Variants in MAPK8 observed in about 807,000 individuals in gnomAD.
MAPK8 encodes mitogen-activated protein kinase 8.
In MAPK8, 13 loss-of-function variants were observed where a neutral mutation model predicts 52.9. The ratio of observed to expected loss-of-function variants is 0.25; its 90% CI spans 0.16 to 0.39. The LOEUF is 0.39. Ranked by LOEUF, MAPK8 falls within the 10% of genes least tolerant of loss-of-function variation. The pLI is 1.00. For missense variants in MAPK8, 300 were observed against 519.2 expected (o/e 0.58, Z 4.10); for synonymous variants, 191 against 169.8 (o/e 1.12, Z -0.97).
chr10:48,421,043 G>A (rs1589255223), intron 6 of MAPK8, among the ~76,000 whole-genome samples: 1 of 152,266 alleles, frequency 6.6e-6, no homozygotes, highest in African/African-American at 2.4e-5. Flanking sequence ...CTGCTAAGAA[G>A]CATGGGATTT....
intron 5 of MAPK8, among the ~76,000 whole-genome samples, chr10:48,412,319 G>C (rs1166736965): frequency 6.6e-6 from 1 of 152,194 alleles, no homozygotes; most frequent in Non-Finnish European, 1.5e-5. Context: ...ATGTGTCTTA[G>C]TGCAGATCTC....
intron 1 of MAPK8, among the ~76,000 whole-genome samples, chr10:48,361,120 G>A (rs892784813): frequency 2.6e-5 from 4 of 152,130 alleles, no homozygotes; most frequent in Admixed American, 2.6e-4. Flanking sequence ...TATGGAAACA[G>A]CATCAGACCA....
At chr10:48,389,552 ATCTTTC>A (rs1462186834) in intron 1 of MAPK8, among the ~76,000 whole-genome samples, 19 of 152,304 alleles carry the variant, frequency 1.2e-4, no homozygotes, top group East Asian at 5.8e-4. Context: ...AAGATTAATC[ATCTTTC>A]TCTTTCTCTT....
chr10:48,416,076 C>T (rs951756115), intron 5 of MAPK8, among the ~76,000 whole-genome samples: 9 of 152,180 alleles, frequency 5.9e-5, no homozygotes, highest in Non-Finnish European at 8.8e-5. Context: ...ACTCATCTCT[C>T]TGCTCTACTA....
At chr10:48,398,420 A>G (rs1297023219) in intron 1 of MAPK8, among the ~76,000 whole-genome samples, 1 of 152,244 alleles carries the variant, frequency 6.6e-6, no homozygotes, top group Non-Finnish European at 1.5e-5. Flanking sequence ...ATACCACTGT[A>G]CACCCACTAG....
rs1282173912 is a variant in MAPK8 at position 48,438,763 on chromosome 10, A to G, written c.*3734A>G. The G allele has an allele frequency of 6.6e-6, 1 of 152,216 alleles. No individual in the cohort carries two copies. The highest frequency in any genetic ancestry group is 1.5e-5 in the Non-Finnish European group (1 of 68,034). 9.4% of individuals were successfully genotyped at this position (152,216 alleles called of 1,614,324 possible). ...ATACCAGTAAGTATGTAAAGTATATACCTTACATCAGTAAGAGACACGTGT... is the reference window on the plus strand; with the variant it reads ...ATACCAGTAAGTATGTAAAGTATATGCCTTACATCAGTAAGAGACACGTGT... On this transcript the variant is annotated 3_prime_UTR_variant, in exon 12 of 12. Transcript: ENST00000374189.
chr10:48,377,297 A>G (rs1047438898), intron 1 of MAPK8, among the ~76,000 whole-genome samples: 8 of 152,074 alleles, frequency 5.3e-5, no homozygotes, highest in African/African-American at 1.9e-4. Context: ...ACCATGGCAC[A>G]TGTATACCTA....
At chr10:48,408,821 T>C (rs1423223297) in intron 3 of MAPK8, among the ~76,000 whole-genome samples, 1 of 152,184 alleles carries the variant, frequency 6.6e-6, no homozygotes, top group African/African-American at 2.4e-5. Flanking sequence ...AAGATCAAGT[T>C]GCTGGTCAAT....
intron 1 of MAPK8, among the ~76,000 whole-genome samples, chr10:48,315,703 AT>A (rs1277756378): frequency 1.4e-5 from 2 of 146,504 alleles, no homozygotes; most frequent in African/African-American, 5.0e-5. Flanking sequence ...TTAATATTTC[AT>A]ATATTAAATA....
intron 5 of MAPK8, among the ~76,000 whole-genome samples, chr10:48,416,701 T>C (rs560680979): frequency 2.6e-5 from 4 of 152,176 alleles, no homozygotes; most frequent in African/African-American, 9.6e-5. Flanking sequence ...AACTGAAAAA[T>C]GCAGTCATTG....
At chr10:48,384,527 G>A (rs2041196902) in intron 1 of MAPK8, among the ~76,000 whole-genome samples, 1 of 152,168 alleles carries the variant, frequency 6.6e-6, no homozygotes, top group South Asian at 2.1e-4. Context: ...AGCTGGGAAA[G>A]CCCATTAAGA....
At chr10:48,414,929 T>G (rs1254582337) in intron 5 of MAPK8, among the ~76,000 whole-genome samples, 1 of 152,092 alleles carries the variant, frequency 6.6e-6, no homozygotes, top group African/African-American at 2.4e-5. Flanking sequence ...ATCTTCCTTC[T>G]GAGTCATCTG....
rs146290533 is a variant in MAPK8 at position 48,348,646 on chromosome 10, C to G, written c.-50+41825C>G. 7.3e-3 allele frequency among the ~76,000 whole-genome samples: 1,115 copies of G among 152,292 alleles called. 15 individuals carry two copies. Among genetic ancestry groups the G allele is most frequent in the African/African-American group, 0.025 (1,054 of 41,550 alleles). ...CAACACCATTTGTTAAGTAGGGAAT[C>G]CTTTCCCCATTGCTTGCTTTTGTCA... is the stretch of plus-strand genomic sequence containing the variant. On this transcript the variant is annotated intron_variant, in intron 1 of 11. Transcript: ENST00000374189.
intron 1 of MAPK8, among the ~76,000 whole-genome samples, chr10:48,360,430 A>G (rs768229478): frequency 2.6e-5 from 4 of 152,192 alleles, no homozygotes; most frequent in Non-Finnish European, 4.4e-5. Context: ...CCAGCAGATT[A>G]ACTCGTAGAT....
chr10:48,360,581 A>G (rs541708255), intron 1 of MAPK8, among the ~76,000 whole-genome samples: 1 of 152,306 alleles, frequency 6.6e-6, no homozygotes, highest in Non-Finnish European at 1.5e-5. Context: ...AGTAGATTAG[A>G]TAAACTGTGG....
chr10:48,366,886 A>G (rs1434440579), intron 1 of MAPK8, among the ~76,000 whole-genome samples: 1 of 152,186 alleles, frequency 6.6e-6, no homozygotes, highest in Non-Finnish European at 1.5e-5. Flanking sequence ...TTTAAAAAAA[A>G]AAAATTGCTT....
intron 1 of MAPK8, among the ~76,000 whole-genome samples, chr10:48,366,259 C>T (rs1472997125): frequency 6.6e-6 from 1 of 150,704 alleles, no homozygotes; most frequent in Admixed American, 6.6e-5. Flanking sequence ...CTAAACTAAA[C>T]AAAAAAAACC....
chr10:48,361,841 AGTAAGTAT>A (rs1291736588), intron 1 of MAPK8, among the ~76,000 whole-genome samples: 1 of 152,216 alleles, frequency 6.6e-6, no homozygotes, highest in African/African-American at 2.4e-5. Context: ...TATATGACAC[AGTAAGTAT>A]GTTTTCTACT....
At chr10:48,428,273 T>C (rs2043839167) in intron 10 of MAPK8, among the ~76,000 whole-genome samples, 1 of 152,196 alleles carries the variant, frequency 6.6e-6, no homozygotes, top group African/African-American at 2.4e-5. Context: ...GTGGGTCAGG[T>C]AATTTTTAGG....
Sources: gnomAD v4.1 joint callset for allele counts (sites outside exome capture counted in the v4.1 genomes callset) on GRCh38, gnomAD v4.1.1 for gene constraint, MANE v1.5 for transcripts, NCBI Gene and HGNC (gene_info 2026-07-23, HGNC 2026-07-21) for gene names.